Variants in RARB observed in about 807,000 individuals in gnomAD.
RARB encodes the protein HBV-activated protein.
A neutral mutation model predicts 51.9 loss-of-function variants in RARB; 17 were observed. The ratio of observed to expected loss-of-function variants is 0.33; its 90% CI spans 0.22 to 0.49. The LOEUF is 0.49. RARB is among the 20% of genes least tolerant of loss of function. The pLI is 0.99. For synonymous variants in RARB, 215 were observed against 195.4 expected (o/e 1.10, Z -0.84); for missense variants, 369 against 550.8 (o/e 0.67, Z 3.30).
intron 5 of RARB, among the ~76,000 whole-genome samples, chr3:25,341,514 A>G (rs1449010742): frequency 6.6e-6 from 1 of 152,134 alleles, no homozygotes; most frequent in East Asian, 1.9e-4. Context: ...AGGGCTTAAA[A>G]GTTTACCAAA....
At chr3:25,221,550 A>T (rs1328608971) in intron 5 of RARB, among the ~76,000 whole-genome samples, 1 of 152,194 alleles carries the variant, frequency 6.6e-6, no homozygotes, top group African/African-American at 2.4e-5. Flanking sequence ...TACTGTCAAA[A>T]TTCTGCACTA....
At chr3:25,105,176 C>G (rs1206727481) in intron 3 of RARB, among the ~76,000 whole-genome samples, 2 of 151,994 alleles carry the variant, frequency 1.3e-5, no homozygotes, top group East Asian at 3.9e-4. Flanking sequence ...TTTACTTTTG[C>G]TCCCCTCAGT....
At position 25,274,632 on chromosome 3, in the gene RARB, T is replaced by A. The variant is rs528637066; in HGVS notation, c.178+100057T>A. ...ACAACCCCCAAATCTCATTAGTTTA[T>A]AATAACAACTATTTTTTTTGTAGGT... On this transcript the variant is annotated intron_variant, in intron 5 of 11. Transcript: ENST00000383772. Among the ~76,000 whole-genome samples, 27 of 152,316 alleles carry A rather than the reference T, an allele frequency of 1.8e-4. No homozygotes were observed. The South Asian group carries it at 5.0e-3, about 28-fold the overall frequency.
At chr3:25,066,604 AAC>A (rs5847340) in intron 3 of RARB, among the ~76,000 whole-genome samples, 11,075 of 146,460 alleles carry the variant, frequency 0.076, 622 homozygotes, top group East Asian at 0.2. Context: ...CGCACACATA[AAC>A]ACACACACAC....
chr3:25,121,487 T>C (rs2125329393), intron 3 of RARB, among the ~76,000 whole-genome samples: 1 of 152,244 alleles, frequency 6.6e-6, no homozygotes, highest in Admixed American at 6.5e-5. Flanking sequence ...ATAATGAATA[T>C]GGTGCAAAAG....
At chr3:25,180,599 G>C (rs1327843257) in intron 5 of RARB, among the ~76,000 whole-genome samples, 2 of 152,174 alleles carry the variant, frequency 1.3e-5, no homozygotes, top group East Asian at 3.9e-4. Context: ...GCCATCTTCA[G>C]GATATATCCC....
chr3:24,928,490 T>A (rs563432193), intron 2 of RARB, among the ~76,000 whole-genome samples: 69 of 152,086 alleles, frequency 4.5e-4, no homozygotes, highest in Non-Finnish European at 8.4e-4. Context: ...CTTCTTTTAT[T>A]TTAAAAGATT....
Position 25,317,617 on chromosome 3 carries a change from A to G in RARB, c.178+143042A>G, listed in dbSNP as rs528820943. ...TCACAATCCATGACTAAGTGGAAGG[A>G]TACCAAATTAGTGAAGAATCTGAAT... On this transcript the variant is annotated intron_variant, in intron 5 of 11. Transcript: ENST00000383772. Among the ~76,000 whole-genome samples the G allele has an allele frequency of 2.0e-5, 3 of 152,318 alleles. 1 individual carries two copies. The South Asian group carries it at 6.2e-4, about 32-fold the overall frequency.
chr3:25,039,905 C>G (rs188605074), intron 2 of RARB, among the ~76,000 whole-genome samples: 1 of 152,114 alleles, frequency 6.6e-6, no homozygotes, highest in Non-Finnish European at 1.5e-5. Context: ...GGGTAGAAGA[C>G]AAAATTGTCT....
rs148340244 is a variant in RARB at position 25,359,652 on chromosome 3, A to G, written c.179-101541A>G. Among the ~76,000 whole-genome samples the G allele has an allele frequency of 3.4e-4, 52 of 152,168 alleles. No individual in the cohort carries two copies. The East Asian group carries it at 6.6e-3, about 19-fold the overall frequency. ...CCTCTAAACACTACTTTAGCTCTGT[A>G]CCAGAGATTCTGGTATGTTGTGTCA... is the stretch of plus-strand genomic sequence containing the variant. On this transcript the variant is annotated intron_variant, in intron 5 of 11. Transcript: ENST00000383772.
At chr3:25,467,860 A>G (rs2033447) in intron 2 of RARB, among the ~76,000 whole-genome samples, 34,914 of 152,206 alleles carry the variant, frequency 0.23, 5,864 homozygotes, top group African/African-American at 0.48. Flanking sequence ...TAGAGATACA[A>G]CAGTGAACAT....
At chr3:25,272,500 C>G (rs115959514) in intron 5 of RARB, among the ~76,000 whole-genome samples, 1 of 152,182 alleles carries the variant, frequency 6.6e-6, no homozygotes, top group Non-Finnish European at 1.5e-5. Flanking sequence ...AAGCTGGATC[C>G]GTTCCTACAT....
At chr3:25,086,566 T>C (rs935918032) in intron 3 of RARB, among the ~76,000 whole-genome samples, 8 of 152,174 alleles carry the variant, frequency 5.3e-5, no homozygotes, top group African/African-American at 1.9e-4. Flanking sequence ...CAGGAGATTC[T>C]GAGAACATGT....
intron 1 of RARB, among the ~76,000 whole-genome samples, chr3:24,855,844 C>T (rs572212771): frequency 5.3e-5 from 8 of 151,190 alleles, no homozygotes; most frequent in East Asian, 2.0e-4. Context: ...CTCCGCGTCC[C>T]GGGTTCATGC....
chr3:24,923,205 T>A (rs1451005237), intron 2 of RARB, among the ~76,000 whole-genome samples: 15 of 152,186 alleles, frequency 9.9e-5, no homozygotes, highest in Admixed American at 9.8e-4. Flanking sequence ...CATAAATATA[T>A]AGTTTAATTC....
At chr3:25,524,376 G>C (rs1698545737) in intron 3 of RARB, among the ~76,000 whole-genome samples, 1 of 152,130 alleles carries the variant, frequency 6.6e-6, no homozygotes, top group Non-Finnish European at 1.5e-5. Flanking sequence ...GTGTAGGCCA[G>C]AAAAATAAGA....
intron 5 of RARB, among the ~76,000 whole-genome samples, chr3:25,368,531 A>C (rs985348987): frequency 6.6e-6 from 1 of 152,242 alleles, no homozygotes; most frequent in Non-Finnish European, 1.5e-5. Context: ...AAAGACTGCT[A>C]ATATATCTAT....
chr3:25,156,445 T>A, intron 4 of RARB, among the ~76,000 whole-genome samples: 1 of 142,994 alleles, frequency 7.0e-6, no homozygotes, highest in East Asian at 2.1e-4. Context: ...ACATCACTAG[T>A]GAATGCTTTC....
At chr3:25,247,088 A>G (rs1328192082) in intron 5 of RARB, among the ~76,000 whole-genome samples, 1 of 152,242 alleles carries the variant, frequency 6.6e-6, no homozygotes, top group African/African-American at 2.4e-5. Flanking sequence ...GGCTCCGCCC[A>G]GTCAGAACTA....
Sources: allele counts gnomAD v4.1 joint callset (sites outside exome capture counted in the v4.1 genomes callset), GRCh38; gene constraint gnomAD v4.1.1; transcripts MANE v1.5; gene names NCBI Gene and HGNC (gene_info 2026-07-23, HGNC 2026-07-21).